SPG21: variants seen among roughly 807,000 people sequenced by gnomAD.
The protein encoded by SPG21 is maspardin.
A neutral mutation model predicts 38.9 loss-of-function variants in SPG21; 26 were observed. The observed-to-expected ratio is 0.67, with a 90% CI of 0.49 to 0.93. The LOEUF (loss-of-function observed/expected upper bound fraction) is 0.93. SPG21 is among the 40% of genes least tolerant of loss of function. The pLI, the probability that SPG21 is intolerant of heterozygous loss-of-function variation, is 0.00. For synonymous variants in SPG21, 136 were observed against 128.9 expected, an observed-to-expected ratio of 1.05 and a Z score of -0.37; for missense variants, 333 against 376.5, an observed-to-expected ratio of 0.88 and a Z score of 0.96.
chr15:64,966,821 C>T (rs2085549007), intron 7 of SPG21, among the ~76,000 whole-genome samples: 1 of 152,142 alleles, frequency 6.6e-6, no homozygotes, highest in South Asian at 2.1e-4. Flanking sequence ...ATGGCGTCAA[C>T]CCAGGAGGCG....
At chr15:64,979,845 CAAAAAA>C (rs71136305) in intron 3 of SPG21, among the ~76,000 whole-genome samples, 188 of 89,482 alleles carry the variant, frequency 2.1e-3, no homozygotes, top group African/African-American at 3.6e-3. Flanking sequence ...TGGAAGCATG[CAAAAAA>C]AAAAAAAAAA....
At chr15:64,984,752 CTTT>C (rs66644150) in intron 1 of SPG21, among the ~76,000 whole-genome samples, 5 of 140,222 alleles carry the variant, frequency 3.6e-5, no homozygotes, top group Admixed American at 1.4e-4. Flanking sequence ...ATGTAGTTCC[CTTT>C]TTTTTTTTTT....
chr15:64,967,593 C>T (rs1030933568), intron 7 of SPG21, among the ~76,000 whole-genome samples: 4 of 152,150 alleles, frequency 2.6e-5, no homozygotes, highest in African/African-American at 7.2e-5. Context: ...CCTGCCTCAG[C>T]CTCCCGAATA....
chr15:64,980,465 G>A (rs1310750264), intron 3 of SPG21, among the ~76,000 whole-genome samples: 2 of 152,232 alleles, frequency 1.3e-5, no homozygotes, highest in African/African-American at 2.4e-5. Flanking sequence ...CTGGCTGGGC[G>A]CAGTGGCTCG....
At chr15:64,972,288 C>T (rs904396401) in intron 5 of SPG21, among the ~76,000 whole-genome samples, 7 of 152,156 alleles carry the variant, frequency 4.6e-5, no homozygotes, top group Admixed American at 1.3e-4. Flanking sequence ...GTTGACTTTG[C>T]TCACTCCTGG....
At chr15:64,981,664 G>C (rs1055044774) in intron 2 of SPG21, 2 of 151,562 alleles carry the variant, frequency 1.3e-5, no homozygotes, top group African/African-American at 4.8e-5. Flanking sequence ...AACAGAGGGA[G>C]AGATCCTGTC....
chr15:64,974,704 T>G lies in SPG21; in HGVS notation c.350A>C (p.Lys117Thr). The change falls in exon 5 of 9, where the codon AAA (lysine) becomes ACA (threonine). Residue 117 changes from lysine to threonine, a missense_variant. By Grantham distance (78) the Lys-to-Thr change is moderately conservative (BLOSUM62 -1). Transcript: ENST00000204566. ...AGATTTGTGAGTGTATTCAGCAAAT[T>G]TCTGGGCCAAAAAGCCTCCCAAAGA... Reference protein sequence around the residue: ...GASLGGFLAQKFAEYTHKSPR... With the variant: ...GASLGGFLAQTFAEYTHKSPR... 2 of 1,614,096 alleles carry G rather than the reference T, an allele frequency of 1.2e-6. No homozygotes were observed. The highest frequency in any genetic ancestry group is 1.7e-6 in the Non-Finnish European group (2 of 1,180,014).
chr15:64,983,322 T>C lies in SPG21; in HGVS notation c.63+185A>G, dbSNP rs187333927. On this transcript the variant is annotated intron_variant, in intron 2 of 8. Coordinates refer to ENST00000204566, the MANE Select transcript of SPG21 (RefSeq NM_016630.7). The stretch of plus-strand genomic sequence containing the variant: ...AGTACAGTTACACTTGCTTTCACTC[T>C]AAAATGAGTCTCAAAAGTTGACTGT... 137 of 479,604 alleles carry C rather than the reference T, an allele frequency of 2.9e-4. 1 individual carries two copies. In the Middle Eastern group the frequency reaches 3.0e-3, roughly 11 times the overall value. The allele number at this position is 479,604 out of a possible 1,614,324, so 29.7% of individuals were successfully genotyped here.
intron 5 of SPG21, among the ~76,000 whole-genome samples, chr15:64,973,900 T>C (rs1211024757): frequency 6.6e-6 from 1 of 152,150 alleles, no homozygotes; most frequent in Non-Finnish European, 1.5e-5. Context: ...ACCCAGTAAT[T>C]TGTACAAAGA....
At chr15:64,966,422 G>A (rs2085541254) in intron 7 of SPG21, among the ~76,000 whole-genome samples, 1 of 152,138 alleles carries the variant, frequency 6.6e-6, no homozygotes, top group Non-Finnish European at 1.5e-5. Flanking sequence ...CAGTGACCAT[G>A]AACCCAGGCA....
intron 4 of SPG21, 46 bp from the exon 5 acceptor site, chr15:64,974,793 C>T (rs1320795769): frequency 6.2e-7 from 1 of 1,611,832 alleles, no homozygotes; most frequent in Non-Finnish European, 8.5e-7. Context: ...ACTGATCAAT[C>T]TTGAACCTGA....
intron 4 of SPG21, among the ~76,000 whole-genome samples, chr15:64,975,047 T>C (rs982953001): frequency 2.6e-5 from 4 of 151,998 alleles, no homozygotes; most frequent in African/African-American, 4.8e-5. Flanking sequence ...CCCAGCACTT[T>C]GGGAGGCCGA....
intron 1 of SPG21, among the ~76,000 whole-genome samples, chr15:64,986,150 G>A (rs772889765): frequency 1.4e-5 from 2 of 145,846 alleles, no homozygotes; most frequent in Non-Finnish European, 3.0e-5. Context: ...GGTGGATCAC[G>A]AGGTCAGGAG....
intron 4 of SPG21, among the ~76,000 whole-genome samples, chr15:64,974,988 T>A (rs2085747127): frequency 1.3e-5 from 2 of 152,038 alleles, no homozygotes; most frequent in African/African-American, 4.8e-5. Context: ...ATTCACAGAT[T>A]GCATTAGAAA....
At chr15:64,983,977 G>C (rs1342746859) in intron 1 of SPG21, among the ~76,000 whole-genome samples, 3 of 151,950 alleles carry the variant, frequency 2.0e-5, no homozygotes, top group Admixed American at 1.3e-4. Context: ...AGGGATGGGG[G>C]TTCACCATGT....
intron 1 of SPG21, chr15:64,988,631 A>C (rs554728821): frequency 6.6e-6 from 1 of 152,346 alleles, no homozygotes; most frequent in Non-Finnish European, 1.5e-5. Flanking sequence ...GACATCTGTG[A>C]CATCTCTTCT....
chr15:64,965,239 T>C (rs1199779391), intron 8 of SPG21, 81 bp downstream of exon 8: 1 of 1,570,412 alleles, frequency 6.4e-7, no homozygotes, highest in Non-Finnish European at 8.8e-7. Flanking sequence ...ACTGATTCCC[T>C]AACTAGTCCA....
Position 64,972,460 on chromosome 15 carries a change from G to A in SPG21, c.452+2142C>T, listed in dbSNP as rs113664204. 7.8e-3 allele frequency among the ~76,000 whole-genome samples: 1,192 copies of A among 152,282 alleles called. 54 individuals are homozygous for A. The South Asian group carries it at 0.12, about 16-fold the overall frequency. On this transcript the variant is annotated intron_variant, in intron 5 of 8. Transcript: ENST00000204566. ...GCATTATTTAGTGCATTATCTGGACGGGAAGGATTTGTAAAGTAGCTAATG... is the reference window on the plus strand; with the variant it reads ...GCATTATTTAGTGCATTATCTGGACAGGAAGGATTTGTAAAGTAGCTAATG...
intron 3 of SPG21, among the ~76,000 whole-genome samples, chr15:64,977,344 C>T (rs997381168): frequency 3.9e-5 from 6 of 151,942 alleles, no homozygotes; most frequent in African/African-American, 1.5e-4. Flanking sequence ...GAATTTTAGG[C>T]GTGAGTCACT....
Sources: allele counts gnomAD v4.1 joint callset (sites outside exome capture counted in the v4.1 genomes callset), GRCh38; gene constraint gnomAD v4.1.1; transcripts MANE v1.5; gene names NCBI Gene and HGNC (gene_info 2026-07-23, HGNC 2026-07-21).